The following TTC7B variants were observed in gnomAD, a reference collection of about 807,000 sequenced individuals.
TTC7B encodes tetratricopeptide repeat protein 7B.
Under a neutral mutation model 106.8 loss-of-function variants are expected in TTC7B, and 28 were observed. The ratio of observed to expected loss-of-function variants is 0.26; its 90% CI spans 0.19 to 0.36. The LOEUF (loss-of-function observed/expected upper bound fraction) is 0.36. Ranked by LOEUF, TTC7B falls within the 10% of genes least tolerant of loss-of-function variation. TTC7B has a pLI of 1.00. For missense variants in TTC7B, 862 were observed against 1,076.4 expected, an observed-to-expected ratio of 0.80 and a Z score of 2.79; for synonymous variants, 405 against 430.6, an observed-to-expected ratio of 0.94 and a Z score of 0.74.
chr14:90,690,657 C>G (rs1405518902), intron 6 of TTC7B, among the ~76,000 whole-genome samples: 1 of 152,194 alleles, frequency 6.6e-6, no homozygotes, highest in Non-Finnish European at 1.5e-5. Flanking sequence ...GTTCACTCTA[C>G]CCATGATCAG....
chr14:90,727,011 AAGGG>A (rs1889129433), intron 5 of TTC7B, among the ~76,000 whole-genome samples: 2 of 152,094 alleles, frequency 1.3e-5, no homozygotes, highest in Admixed American at 1.3e-4. Context: ...GGAGCCCAGG[AAGGG>A]AGGAACTAGG....
At chr14:90,605,418 A>T (rs905395667) in intron 17 of TTC7B, among the ~76,000 whole-genome samples, 1 of 152,200 alleles carries the variant, frequency 6.6e-6, no homozygotes, top group African/African-American at 2.4e-5. Flanking sequence ...CATGGGCTCC[A>T]ATGCCTGCAA....
intron 8 of TTC7B, 56 bp from the exon 9 acceptor site, chr14:90,676,716 G>A (rs759608915): frequency 1.5e-4 from 232 of 1,587,768 alleles, no homozygotes; most frequent in Non-Finnish European, 1.8e-4. Flanking sequence ...GCTGCATGGC[G>A]GGGAGTCCAC....
chr14:90,714,365 C>T (rs982461451), intron 5 of TTC7B, among the ~76,000 whole-genome samples: 20 of 151,942 alleles, frequency 1.3e-4, no homozygotes, highest in Admixed American at 5.2e-4. Context: ...CAGGGGGTGG[C>T]AGAAGGAATT....
chr14:90,622,686 T>C (rs1884259737), intron 15 of TTC7B, among the ~76,000 whole-genome samples: 1 of 152,146 alleles, frequency 6.6e-6, no homozygotes, highest in Non-Finnish European at 1.5e-5. Flanking sequence ...GCTGAGATCA[T>C]GCCACTACAC....
In TTC7B at chr14:90,807,677, C is replaced by T. The variant is rs944956070; in HGVS notation, c.121+8498G>A. Among the ~76,000 whole-genome samples the T allele has an allele frequency of 3.3e-5, 5 of 152,228 alleles. No individual in the cohort carries two copies. The highest frequency in any genetic ancestry group is 1.2e-4 in the African/African-American group (5 of 41,452). ...CATTGTGGTTCAGAGCAAAGGCTCC[C>T]ACACTTGCCTACTCAAACTAACTGA... On this transcript the variant is annotated intron_variant, in intron 1 of 19. Transcript: ENST00000328459. This position sits in a 1 kb window ranked among gnomAD's most constrained non-coding sequence, Gnocchi z 4.1.
At chr14:90,693,535 G>C (rs1887556005) in intron 6 of TTC7B, among the ~76,000 whole-genome samples, 1 of 152,128 alleles carries the variant, frequency 6.6e-6, no homozygotes, top group African/African-American at 2.4e-5. Flanking sequence ...GCAGCCACGA[G>C]GGCCTACATT....
At chr14:90,767,131 A>G (rs759205858) in intron 3 of TTC7B, 36 of 594,006 alleles carry the variant, frequency 6.1e-5, no homozygotes, top group Non-Finnish European at 9.4e-5. Context: ...AGGCAGGAGC[A>G]TCGCTTGAGC....
chr14:90,603,747 A>T (rs1892525469), intron 17 of TTC7B, among the ~76,000 whole-genome samples: 1 of 152,230 alleles, frequency 6.6e-6, no homozygotes, highest in South Asian at 2.1e-4. Context: ...GATCTTGACT[A>T]TCTGCTTATC....
At chr14:90,597,390 G>A (rs1892247037) in intron 17 of TTC7B, among the ~76,000 whole-genome samples, 1 of 152,208 alleles carries the variant, frequency 6.6e-6, no homozygotes, top group African/African-American at 2.4e-5. Flanking sequence ...AGGCGCGGTG[G>A]CTCATGCCTG....
chr14:90,596,844 C>T (rs547607533), intron 17 of TTC7B, among the ~76,000 whole-genome samples: 13 of 152,284 alleles, frequency 8.5e-5, no homozygotes, highest in East Asian at 1.9e-4. Flanking sequence ...AGGGAATGAA[C>T]GAGTGCTGTC....
At chr14:90,588,221 CGCCAGGCCAGGCCAG>C (rs912964544) in intron 18 of TTC7B, among the ~76,000 whole-genome samples, 1 of 152,098 alleles carries the variant, frequency 6.6e-6, no homozygotes, top group African/African-American at 2.4e-5. Flanking sequence ...TGGGCAAAGG[CGCCAGGCCAGGCCAG>C]GCCAGGCCAG....
chr14:90,585,242 CGA>C (rs1891665143), intron 18 of TTC7B, among the ~76,000 whole-genome samples: 1 of 152,174 alleles, frequency 6.6e-6, no homozygotes, highest in African/African-American at 2.4e-5. Context: ...GTCAGTTTGT[CGA>C]GAGGGATCCC....
intron 18 of TTC7B, among the ~76,000 whole-genome samples, chr14:90,587,715 T>C (rs771230663): frequency 3.3e-5 from 5 of 152,220 alleles, no homozygotes; most frequent in Non-Finnish European, 5.9e-5. Context: ...TCTGTCTTCA[T>C]AACCATAGGA....
intron 19 of TTC7B, chr14:90,567,484 G>A (rs1011665395): frequency 1.3e-5 from 2 of 152,146 alleles, no homozygotes; most frequent in African/African-American, 2.4e-5. Context: ...TCTGAGCCTC[G>A]GAGAACAATG....
chr14:90,784,314 T>C (rs1463790137), intron 2 of TTC7B, among the ~76,000 whole-genome samples: 2 of 152,098 alleles, frequency 1.3e-5, no homozygotes, highest in African/African-American at 2.4e-5. Context: ...TCCCAGCACT[T>C]TGGGAGGCTG....
At chr14:90,632,691 G>GC (rs1251456825) in intron 15 of TTC7B, among the ~76,000 whole-genome samples, 2 of 152,198 alleles carry the variant, frequency 1.3e-5, no homozygotes, top group Non-Finnish European at 2.9e-5. Flanking sequence ...AGCACAGATG[G>GC]CGAGGCCAGA....
chr14:90,617,913 C>G lies in TTC7B; in HGVS notation c.1868+16G>C, dbSNP rs772300136. ...CATGCAAAAGCCACGCAAAGCAGGC[C>G]CTGCTGGCCTCTTACCTGGGGTTGG... On this transcript the variant is annotated intron_variant, in intron 16 of 19. Coordinates refer to ENST00000328459, the MANE Select transcript of TTC7B (RefSeq NM_001010854.2). 4 of 1,605,792 alleles carry G rather than the reference C, an allele frequency of 2.5e-6. No individual in the cohort carries two copies. The highest frequency in any genetic ancestry group is 3.4e-6 in the Non-Finnish European group (4 of 1,173,002).
intron 19 of TTC7B, among the ~76,000 whole-genome samples, chr14:90,541,983 A>G (rs1248433466): frequency 6.6e-6 from 1 of 152,228 alleles, no homozygotes; most frequent in Non-Finnish European, 1.5e-5. Flanking sequence ...TCTGTCATCC[A>G]GGCTGGAGTG....
Sources: gnomAD v4.1 joint callset for allele counts (sites outside exome capture counted in the v4.1 genomes callset) on GRCh38, gnomAD v4.1.1 for gene constraint, Gnocchi (gnomAD v3.1) non-coding constraint, MANE v1.5 for transcripts, NCBI Gene and HGNC (gene_info 2026-07-23, HGNC 2026-07-21) for gene names.